PARP9: variants seen among roughly 807,000 people sequenced by gnomAD.
PARP9 encodes the protein protein mono-ADP-ribosyltransferase PARP9.
PARP9 carries 48 observed loss-of-function variants against 68.8 expected under a neutral mutation model. The ratio of observed to expected loss-of-function variants is 0.70; its 90% CI spans 0.55 to 0.89. The LOEUF is 0.89. Among genes scored for constraint, PARP9 ranks in the 40% least tolerant of loss-of-function variants. The pLI, the probability that PARP9 is intolerant of heterozygous loss-of-function variation, is 0.00. For synonymous variants in PARP9, 309 were observed against 333.8 expected, an observed-to-expected ratio of 0.93 and a Z score of 0.81; for missense variants, 806 against 969.3, an observed-to-expected ratio of 0.83 and a Z score of 2.24.
chr3:122,529,516 C>G (rs552399830), intron 10 of PARP9, among the ~76,000 whole-genome samples: 3 of 151,502 alleles, frequency 2.0e-5, no homozygotes, highest in East Asian at 1.9e-4. Context: ...TTTGGTAGGC[C>G]GAGGCGGGCT....
intron 7 of PARP9, among the ~76,000 whole-genome samples, chr3:122,544,083 C>A (rs1022543815): frequency 6.6e-6 from 1 of 152,112 alleles, no homozygotes; most frequent in African/African-American, 2.4e-5. Context: ...CTCTTATGTA[C>A]CCACCATGGA....
chr3:122,540,880 G>GAA (rs2078154312), intron 7 of PARP9, 28 bp from the exon 8 acceptor site: 1 of 1,562,436 alleles, frequency 6.4e-7, no homozygotes, highest in Non-Finnish European at 8.6e-7. Flanking sequence ...AGCAACCATG[G>GAA]AAGACTAGCA....
At chr3:122,530,961 G>A (rs1322530533) in intron 10 of PARP9, among the ~76,000 whole-genome samples, 1 of 152,118 alleles carries the variant, frequency 6.6e-6, no homozygotes, top group East Asian at 1.9e-4. Context: ...TACTCTAGTA[G>A]CCACATTTTA....
intron 2 of PARP9, among the ~76,000 whole-genome samples, chr3:122,558,673 T>TCATTTCCC (rs2079926012): frequency 6.6e-6 from 1 of 152,208 alleles, no homozygotes; most frequent in Non-Finnish European, 1.5e-5. Flanking sequence ...TGGCCCTATG[T>TCATTTCCC]CATTTCCCTA....
At chr3:122,549,917 A>C (rs893683389) in intron 6 of PARP9, among the ~76,000 whole-genome samples, 1 of 152,232 alleles carries the variant, frequency 6.6e-6, no homozygotes, top group African/African-American at 2.4e-5. Context: ...AAGTTGTAAG[A>C]ACAGTTGTGT....
rs2077365948 is a variant in PARP9 at position 122,532,303 on chromosome 3, T to C, written c.2081-3560A>G. The stretch of plus-strand genomic sequence containing the variant: ...GTGGCCTGTGCAGACACTACCTGAG[T>C]GTGAAAGGCACAGGAGACTGCTAAT... On this transcript the variant is annotated intron_variant, in intron 10 of 10. Coordinates refer to ENST00000682323, the MANE Select transcript of PARP9 (RefSeq NM_001146105.2). 3 of 984,814 alleles carry C rather than the reference T, an allele frequency of 3.0e-6. No individual in the cohort carries two copies. The East Asian group carries it at 3.4e-4, about 112-fold the overall frequency. The allele number at this position is 984,814 out of a possible 1,614,324, so 61.0% of individuals were successfully genotyped here.
chr3:122,553,384 G>C (rs2079374260), intron 4 of PARP9, among the ~76,000 whole-genome samples: 1 of 151,934 alleles, frequency 6.6e-6, no homozygotes, highest in South Asian at 2.1e-4. Context: ...ATTGACTTTG[G>C]CTCCCTTTCA....
At chr3:122,547,013 TAC>T (rs1383480849) in intron 6 of PARP9, among the ~76,000 whole-genome samples, 4,265 of 60,890 alleles carry the variant, frequency 0.07, 229 homozygotes, top group Middle Eastern at 0.15. Flanking sequence ...TATATATATA[TAC>T]ACACACACAC....
In PARP9 at chr3:122,536,310, A is replaced by G; in HGVS notation, c.1938T>C (p.Ala646=). 2 of 1,614,170 alleles carry G rather than the reference A, an allele frequency of 1.2e-6. No individual in the cohort carries two copies. Among genetic ancestry groups the G allele is most frequent in the Non-Finnish European group, 1.7e-6 (2 of 1,180,010 alleles). The change falls in exon 10 of 11, where the codon GCT becomes GCC. Residue 646 remains alanine, a synonymous_variant. Transcript: ENST00000682323. Reference sequence around the variant, plus strand: ...TCATTTTCTTCTTTCTTTGAAAGGCAGCCATAAGGACCTCATTGTCTATCT... The same window carrying G: ...TCATTTTCTTCTTTCTTTGAAAGGCGGCCATAAGGACCTCATTGTCTATCT... ...VEKIDNEVLM[A]AFQRKKKMME... is the part of the protein sequence containing the mutation.
Position 122,536,260 on chromosome 3 carries a change from G to C in PARP9, c.1988C>G (p.Pro663Arg), listed in dbSNP as rs759074707. Residue 663 changes from proline (P) to arginine (R), a missense_variant, in exon 10 of 11, where the codon CCT becomes CGT. Physicochemically the swap from Pro to Arg is moderately radical, Grantham distance 103. Coordinates refer to ENST00000682323, the MANE Select transcript of PARP9 (RefSeq NM_001146105.2). The stretch of plus-strand genomic sequence containing the variant: ...TTGCTGAAACAGCCTATGGCTCACA[G>C]GTTGCCTGTGCAGTTTTTCTTCCAT... The part of the protein sequence containing the change: ...KMMEEKLHRQ[P>R]VSHRLFQQVP... 1.2e-5 allele frequency: 20 copies of C among 1,614,138 alleles called. No homozygotes were observed. Among genetic ancestry groups the C allele is most frequent in the Non-Finnish European group, 1.6e-5 (19 of 1,180,020 alleles).
chr3:122,550,426 A>G (rs1210519713), intron 6 of PARP9, among the ~76,000 whole-genome samples, 158 bp downstream of exon 6: 1 of 152,182 alleles, frequency 6.6e-6, no homozygotes, highest in Non-Finnish European at 1.5e-5. Flanking sequence ...GAGGTGGACA[A>G]TCTGTAAAAA....
In PARP9 at chr3:122,556,135, GAAGATTAAAA is replaced by G; in HGVS notation, c.50-24_50-15del. 6.9e-6 allele frequency: 1 copy of G among 145,232 alleles called. No homozygotes were observed. Among genetic ancestry groups the G allele is most frequent in the Non-Finnish European group, 1.2e-5 (1 of 84,776 alleles). 9.0% of individuals were successfully genotyped at this position (145,232 alleles called of 1,614,324 possible). A position where few individuals can be genotyped will look rare whatever the true frequency, so the allele number is the denominator to read the frequency against. On this transcript the variant is annotated splice_polypyrimidine_tract_variant and intron_variant, in intron 3 of 10. Transcript: ENST00000682323. ...GAGCACCAGTCTCTGGAAAAGAAGA[GAAGATTAAAA>G]AAAAAAAAAAAAAAAAAAAAAAAAA...
chr3:122,547,443 G>A (rs181743685), intron 6 of PARP9, among the ~76,000 whole-genome samples: 103 of 152,150 alleles, frequency 6.8e-4, no homozygotes, highest in Middle Eastern at 6.8e-3. Context: ...CGCTCAGACC[G>A]TGGTTGATCT....
At position 122,536,148 on chromosome 3, in the gene PARP9, G is replaced by C; in HGVS notation, c.2080+20C>G. 1.9e-6 allele frequency: 3 copies of C among 1,614,112 alleles called. No individual in the cohort carries two copies. The highest frequency in any genetic ancestry group is 2.5e-6 in the Non-Finnish European group (3 of 1,180,004). On this transcript the variant is annotated intron_variant, in intron 10 of 10. Coordinates refer to ENST00000682323, the MANE Select transcript of PARP9 (RefSeq NM_001146105.2). ...CCAAATTCCACAGAGTAGCCCCAAT[G>C]ATGAGGCATTGACACCTACCGCAAG... is the stretch of plus-strand genomic sequence containing the variant.
chr3:122,563,509 C>A (rs754474763), intron 1 of PARP9, among the ~76,000 whole-genome samples: 22 of 152,140 alleles, frequency 1.4e-4, no homozygotes, highest in Non-Finnish European at 2.6e-4. Flanking sequence ...TCATCTGTTT[C>A]TTTATCCTTT....
At chr3:122,546,710 T>C (rs2078725134) in intron 6 of PARP9, among the ~76,000 whole-genome samples, 1 of 152,098 alleles carries the variant, frequency 6.6e-6, no homozygotes, top group Non-Finnish European at 1.5e-5. Context: ...AATAATCCTC[T>C]TGTTTGAGTT....
intron 8 of PARP9, among the ~76,000 whole-genome samples, chr3:122,538,148 A>G (rs1448995950): frequency 6.6e-6 from 1 of 152,240 alleles, no homozygotes; most frequent in Admixed American, 6.5e-5. Flanking sequence ...GGAGTTGCAA[A>G]GCCCAGAAAC....
At chr3:122,533,410 C>T (rs183367269) in intron 10 of PARP9, 1 of 152,304 alleles carries the variant, frequency 6.6e-6, no homozygotes, top group Admixed American at 6.5e-5. Context: ...GACATATGAA[C>T]CTGCAGGTCA....
chr3:122,530,190 A>G (rs1243626314), intron 10 of PARP9, among the ~76,000 whole-genome samples: 14 of 151,908 alleles, frequency 9.2e-5, no homozygotes, highest in Admixed American at 8.5e-4. Flanking sequence ...AAAAAAAAAA[A>G]AAAAAAAGGA....
Sources: allele counts gnomAD v4.1 joint callset (sites outside exome capture counted in the v4.1 genomes callset), GRCh38; gene constraint gnomAD v4.1.1; transcripts MANE v1.5; gene names NCBI Gene and HGNC (gene_info 2026-07-23, HGNC 2026-07-21).